ZMYM4: variants seen among roughly 807,000 people sequenced by gnomAD.
The protein encoded by ZMYM4 is zinc finger MYM-type protein 4.
Under a neutral mutation model 183.2 loss-of-function variants are expected in ZMYM4, and 31 were observed. The observed-to-expected ratio is 0.17, with a 90% confidence interval of 0.13 to 0.23. ZMYM4 has a LOEUF of 0.23. ZMYM4 is among the 10% of genes least tolerant of loss of function. The pLI, the probability that ZMYM4 is intolerant of heterozygous loss-of-function variation, is 1.00. For missense variants in ZMYM4, 1,273 were observed against 1,840.3 expected, an observed-to-expected ratio of 0.69 and a Z score of 5.64; for synonymous variants, 592 against 631.2, an observed-to-expected ratio of 0.94 and a Z score of 0.93.
chr1:35,398,712 A>C (rs1161867044), intron 21 of ZMYM4, 152 bp from the exon 22 acceptor site: 1 of 826,570 alleles, frequency 1.2e-6, no homozygotes, highest in Non-Finnish European at 1.9e-6. Context: ...TTTGAGACTG[A>C]TGAACAAGTT....
chr1:35,419,447 T>A, intron 29 of ZMYM4, 23 bp from the exon 30 acceptor site: 1 of 1,558,932 alleles, frequency 6.4e-7, no homozygotes, highest in Non-Finnish European at 8.7e-7. Flanking sequence ...TTTTTTCTCT[T>A]TTTTTTTTTC....
At chr1:35,335,491 C>T (rs935654339) in intron 2 of ZMYM4, among the ~76,000 whole-genome samples, 4 of 152,124 alleles carry the variant, frequency 2.6e-5, no homozygotes, top group Non-Finnish European at 4.4e-5. Context: ...CCGTCCGCCT[C>T]TGCCTCGCAA....
chr1:35,380,621 C>A (rs960095121), intron 7 of ZMYM4, among the ~76,000 whole-genome samples: 1 of 152,110 alleles, frequency 6.6e-6, no homozygotes, highest in Admixed American at 6.6e-5. Context: ...CCACTGCGCC[C>A]GGCCGAAAAA....
intron 5 of ZMYM4, among the ~76,000 whole-genome samples, chr1:35,368,512 A>G (rs1180185882): frequency 2.0e-5 from 3 of 152,230 alleles, no homozygotes; most frequent in African/African-American, 7.2e-5. Flanking sequence ...GTAAATGAAC[A>G]TTAAAAATAG....
intron 5 of ZMYM4, among the ~76,000 whole-genome samples, chr1:35,362,514 G>A (rs185261476): frequency 5.9e-5 from 9 of 152,330 alleles, no homozygotes; most frequent in East Asian, 1.9e-4. Flanking sequence ...TCCAAGGGAC[G>A]AATATGCAAT....
chr1:35,410,392 C>T (rs1639833761), intron 26 of ZMYM4, among the ~76,000 whole-genome samples: 1 of 151,892 alleles, frequency 6.6e-6, no homozygotes, highest in Admixed American at 6.6e-5. Context: ...TTGCAAATAT[C>T]TTCTCCCATT....
intron 1 of ZMYM4, among the ~76,000 whole-genome samples, chr1:35,291,903 G>A (rs1640781725): frequency 6.6e-6 from 1 of 152,020 alleles, no homozygotes; most frequent in Non-Finnish European, 1.5e-5. Context: ...CCAAAGTGCT[G>A]GGATTACAGG....
intron 2 of ZMYM4, among the ~76,000 whole-genome samples, chr1:35,334,114 G>A (rs1378798845): frequency 1.3e-5 from 2 of 151,494 alleles, no homozygotes; most frequent in Non-Finnish European, 1.5e-5. Flanking sequence ...CCAGGAGTTC[G>A]AGACCAGCCT....
At chr1:35,313,562 G>T (rs1340221568) in intron 1 of ZMYM4, among the ~76,000 whole-genome samples, 5 of 150,356 alleles carry the variant, frequency 3.3e-5, no homozygotes, top group Admixed American at 2.6e-4. Context: ...CTAATTTTTT[G>T]TATTTTAGTA....
chr1:35,285,620 G>C (rs991879690), intron 1 of ZMYM4, among the ~76,000 whole-genome samples: 1 of 152,162 alleles, frequency 6.6e-6, no homozygotes, highest in African/African-American at 2.4e-5. Context: ...ACAACTGTTT[G>C]CATAGTATTT....
At chr1:35,374,695 T>A (rs959186087) in intron 7 of ZMYM4, among the ~76,000 whole-genome samples, 1 of 150,832 alleles carries the variant, frequency 6.6e-6, no homozygotes, top group Non-Finnish European at 1.5e-5. Context: ...AAGTCAGTCA[T>A]AGATTTTTTT....
chr1:35,342,146 G>A (rs906566991), intron 2 of ZMYM4, among the ~76,000 whole-genome samples: 4 of 151,924 alleles, frequency 2.6e-5, no homozygotes, highest in Non-Finnish European at 4.4e-5. Context: ...TATTTTTCAA[G>A]GCATTTGTTC....
rs980954335 is a variant in ZMYM4 at position 35,315,938 on chromosome 1, AATT to A, written c.40-9412_40-9410del. Among the ~76,000 whole-genome samples, 33 of 152,236 alleles carry A rather than the reference AATT, an allele frequency of 2.2e-4. No homozygotes were observed. In the South Asian group the frequency reaches 2.3e-3, roughly 11 times the overall value. ...GAGTCCCTGTCTGGGGGAAAAAAAAAATTATTATTATTTTTTAAAAGTCATTTA... is the reference window on the plus strand; with the variant it reads ...GAGTCCCTGTCTGGGGGAAAAAAAAAATTATTATTTTTTAAAAGTCATTTA... On this transcript the variant is annotated intron_variant, in intron 1 of 29. Transcript: ENST00000314607.
rs1640265769 is a variant in ZMYM4 at position 35,419,832 on chromosome 1, G to A, written c.*155G>A. 2 of 704,634 alleles carry A rather than the reference G, an allele frequency of 2.8e-6. No individual in the cohort carries two copies. The highest frequency in any genetic ancestry group is 3.8e-5 in the South Asian group (2 of 52,502). The allele number at this position is 704,634 out of a possible 1,614,324, so 43.6% of individuals were successfully genotyped here. A position where few individuals can be genotyped will look rare whatever the true frequency, so the allele number is the denominator to read the frequency against. ...CTTGTGAACCCCACAGTGTGGATGT[G>A]CAAATGAAAATTGAAGGAAAGAATA... On this transcript the variant is annotated 3_prime_UTR_variant, in exon 30 of 30. Coordinates refer to ENST00000314607, the MANE Select transcript of ZMYM4 (RefSeq NM_005095.3).
At chr1:35,303,091 C>A (rs1300056814) in intron 1 of ZMYM4, among the ~76,000 whole-genome samples, 1 of 148,046 alleles carries the variant, frequency 6.8e-6, no homozygotes, top group African/African-American at 2.5e-5. Context: ...CCTGGGAAAC[C>A]TGGCAAAAAA....
chr1:35,322,107 C>G (rs1191059166), intron 1 of ZMYM4, among the ~76,000 whole-genome samples: 1 of 152,098 alleles, frequency 6.6e-6, no homozygotes, highest in Admixed American at 6.6e-5. Flanking sequence ...ATTTCTATGT[C>G]TCTCTTCATT....
chr1:35,285,910 T>C (rs969075715), intron 1 of ZMYM4, among the ~76,000 whole-genome samples: 3 of 152,196 alleles, frequency 2.0e-5, no homozygotes, highest in African/African-American at 7.2e-5. Flanking sequence ...TGATAAAGGC[T>C]ACCCATGAAA....
chr1:35,362,503 G>T (rs1018085305), intron 5 of ZMYM4, among the ~76,000 whole-genome samples: 6 of 152,194 alleles, frequency 3.9e-5, no homozygotes, highest in African/African-American at 1.2e-4. Flanking sequence ...GCAAGAAGGG[G>T]TCCAAGGGAC....
At chr1:35,361,858 A>C (rs1040706472) in intron 5 of ZMYM4, 69 bp downstream of exon 5, 2 of 1,536,974 alleles carry the variant, frequency 1.3e-6, no homozygotes, top group African/African-American at 2.8e-5. Context: ...TGAGAGAGGA[A>C]GTGCTTAAGA....
Sources: allele counts gnomAD v4.1 joint callset (sites outside exome capture counted in the v4.1 genomes callset), GRCh38; gene constraint gnomAD v4.1.1; transcripts MANE v1.5; gene names NCBI Gene and HGNC (gene_info 2026-07-23, HGNC 2026-07-21).